Variants in LRP1B observed in about 807,000 individuals in gnomAD.
LRP1B encodes low-density lipoprotein receptor-related protein 1B.
Under a neutral mutation model 556.6 loss-of-function variants are expected in LRP1B, and 217 were observed. That is an observed-to-expected ratio of 0.39 (90% CI 0.35 to 0.44). The LOEUF (loss-of-function observed/expected upper bound fraction) is 0.44, where lower values mean the gene tolerates loss of function less well. LRP1B is among the 20% of genes least tolerant of loss of function. The probability of loss-of-function intolerance (pLI) is 1.00; values close to 1 mark genes in which losing one functional copy is unlikely to be tolerated. For synonymous variants in LRP1B, 2,047 were observed against 1,865.8 expected, an observed-to-expected ratio of 1.10 and a Z score of -2.50; for missense variants, 5,053 against 5,620.8, an observed-to-expected ratio of 0.90 and a Z score of 3.23.
chr2:142,036,839 C>T (rs1421964304), intron 1 of LRP1B, among the ~76,000 whole-genome samples: 3 of 151,636 alleles, frequency 2.0e-5, no homozygotes, highest in South Asian at 4.1e-4. Flanking sequence ...CAAAGCATCA[C>T]GTTTTCCTAA....
rs1358384621 is a variant in LRP1B at position 141,963,914 on chromosome 2, A to G, written c.83-153513T>C. Among the ~76,000 whole-genome samples, 72 of 123,312 alleles carry G rather than the reference A, an allele frequency of 5.8e-4. No individual in the cohort carries two copies. In the Admixed American group the frequency reaches 6.0e-3, roughly 10 times the overall value. 80.9% of individuals were successfully genotyped at this position (123,312 alleles called of 152,430 possible). ...AGCAAAGTCTCAGGATACAAAATCA[A>G]TGTACAAAAATCACAAGCATTCCTA... is the stretch of plus-strand genomic sequence containing the variant. On this transcript the variant is annotated intron_variant, in intron 1 of 90. Transcript: ENST00000389484.
chr2:140,907,778 A>G lies in LRP1B; in HGVS notation c.3520+99T>C, dbSNP rs759903857. The G allele has an allele frequency of 3.6e-5, 37 of 1,021,828 alleles. 1 individual carries two copies. The highest frequency in any genetic ancestry group is 1.3e-4 in the Admixed American group (7 of 54,800). 63.3% of individuals were successfully genotyped at this position (1,021,828 alleles called of 1,614,324 possible). A position where few individuals can be genotyped will look rare whatever the true frequency, so the allele number is the denominator to read the frequency against. On this transcript the variant is annotated intron_variant, in intron 22 of 90. Coordinates refer to ENST00000389484, the MANE Select transcript of LRP1B (RefSeq NM_018557.3). The stretch of plus-strand genomic sequence containing the variant: ...ATGCTAAAAGCTACATTTAAAGGGA[A>G]TGAATGAAAGGAATGAATGCTACTA...
chr2:140,584,246 T>A (rs1028935253), intron 43 of LRP1B, among the ~76,000 whole-genome samples: 1 of 152,076 alleles, frequency 6.6e-6, no homozygotes, highest in East Asian at 1.9e-4. Flanking sequence ...GAGAATTTTA[T>A]GAATTCAAAC....
intron 1 of LRP1B, among the ~76,000 whole-genome samples, chr2:142,108,611 G>T (rs972441517): frequency 2.0e-5 from 3 of 152,096 alleles, no homozygotes. Flanking sequence ...TGAAATATAG[G>T]CTTCATGAAA....
intron 1 of LRP1B, among the ~76,000 whole-genome samples, chr2:142,112,415 G>T (rs951914038): frequency 3.3e-5 from 5 of 151,796 alleles, no homozygotes; most frequent in African/African-American, 1.2e-4. Context: ...TGATTATGTA[G>T]TAGTTAAAAG....
intron 60 of LRP1B, among the ~76,000 whole-genome samples, chr2:140,472,580 G>C (rs1687814906): frequency 6.6e-6 from 1 of 151,912 alleles, no homozygotes; most frequent in African/African-American, 2.4e-5. Flanking sequence ...CAAAGAAAGA[G>C]GAATGGAAGC....
intron 1 of LRP1B, among the ~76,000 whole-genome samples, chr2:141,933,649 A>G (rs1700561107): frequency 1.3e-5 from 2 of 152,208 alleles, no homozygotes; most frequent in South Asian, 4.1e-4. Context: ...CAGAGTTTTT[A>G]GCTTGTATAT....
At chr2:141,355,579 G>A (rs1035499618) in intron 3 of LRP1B, among the ~76,000 whole-genome samples, 1 of 152,090 alleles carries the variant, frequency 6.6e-6, no homozygotes. Context: ...ATGCTTCATG[G>A]ATGAATGTTA....
intron 1 of LRP1B, among the ~76,000 whole-genome samples, chr2:141,935,060 A>T (rs1346723649): frequency 2.9e-4 from 1 of 3,492 alleles, no homozygotes; most frequent in African/African-American, 6.0e-4. Flanking sequence ...TCTCCTCTAT[A>T]AAAAATGACA....
intron 10 of LRP1B, among the ~76,000 whole-genome samples, chr2:141,050,055 G>A (rs982026807): frequency 1.3e-5 from 2 of 151,646 alleles, no homozygotes; most frequent in Non-Finnish European, 2.9e-5. Flanking sequence ...TAATTTTAAA[G>A]GAAATAGTTT....
chr2:140,584,295 A>G (rs1681896153), intron 43 of LRP1B, among the ~76,000 whole-genome samples: 1 of 152,180 alleles, frequency 6.6e-6, no homozygotes, highest in African/African-American at 2.4e-5. Context: ...TATCTGCTCA[A>G]TTATTTCACC....
chr2:141,815,711 C>A (rs979855200), intron 1 of LRP1B, among the ~76,000 whole-genome samples: 5 of 151,166 alleles, frequency 3.3e-5, no homozygotes, highest in African/African-American at 1.2e-4. Flanking sequence ...AGCTGGCCAC[C>A]CCAGCCAGCA....
intron 6 of LRP1B, among the ~76,000 whole-genome samples, chr2:141,194,931 A>G (rs1218618993): frequency 1.3e-5 from 2 of 152,142 alleles, no homozygotes. Flanking sequence ...TGTGATGTGC[A>G]TGTACTAGAG....
chr2:141,414,834 C>T (rs1477413565), intron 3 of LRP1B, among the ~76,000 whole-genome samples: 4 of 152,128 alleles, frequency 2.6e-5, no homozygotes, highest in African/African-American at 4.8e-5. Context: ...TGGTTTGCAA[C>T]CAAAGAACCC....
intron 34 of LRP1B, among the ~76,000 whole-genome samples, chr2:140,770,275 T>A (rs953833987): frequency 1.3e-5 from 2 of 151,652 alleles, no homozygotes; most frequent in Non-Finnish European, 2.9e-5. Context: ...TAAATGATAA[T>A]ACATATATAG....
intron 1 of LRP1B, among the ~76,000 whole-genome samples, chr2:142,041,368 G>A (rs1248689997): frequency 6.6e-6 from 1 of 151,358 alleles, no homozygotes; most frequent in Admixed American, 6.6e-5. Context: ...TAAGCAAGAT[G>A]ACCTTTCATT....
intron 1 of LRP1B, among the ~76,000 whole-genome samples, chr2:142,026,062 T>A (rs577142722): frequency 3.6e-4 from 55 of 152,214 alleles, no homozygotes; most frequent in African/African-American, 1.3e-3. Flanking sequence ...TTATTTGGCC[T>A]ATGAAATGCT....
chr2:140,987,702 G>A (rs1205140932), intron 17 of LRP1B, among the ~76,000 whole-genome samples: 1 of 152,042 alleles, frequency 6.6e-6, no homozygotes, highest in Non-Finnish European at 1.5e-5. Flanking sequence ...AATAATAATT[G>A]GGCTTGGCAT....
In LRP1B at chr2:140,535,442, C is replaced by T. The variant is rs79962949; in HGVS notation, c.7642+1139G>A. On this transcript the variant is annotated intron_variant, in intron 46 of 90. Coordinates refer to ENST00000389484, the MANE Select transcript of LRP1B (RefSeq NM_018557.3). ...AATTACATTAGACTCTCATTTTAAACGATGGTGTGTTGTCTTGTAACGTAA... is the reference window on the plus strand; with the variant it reads ...AATTACATTAGACTCTCATTTTAAATGATGGTGTGTTGTCTTGTAACGTAA... Among the ~76,000 whole-genome samples the T allele has an allele frequency of 9.4e-3, 1,436 of 152,170 alleles. 15 individuals carry two copies. Among genetic ancestry groups the T allele is most frequent in the East Asian group, 0.034 (176 of 5,170 alleles).
Sources: allele counts gnomAD v4.1 joint callset (sites outside exome capture counted in the v4.1 genomes callset), GRCh38; gene constraint gnomAD v4.1.1; transcripts MANE v1.5; gene names NCBI Gene and HGNC (gene_info 2026-07-23, HGNC 2026-07-21).